The following CNBD1 variants were observed in gnomAD, a reference collection of about 807,000 sequenced individuals.
The protein encoded by CNBD1 is cyclic nucleotide-binding domain-containing protein 1.
In CNBD1, 71 loss-of-function variants were observed where a neutral mutation model predicts 54.4. The ratio of observed to expected loss-of-function variants is 1.30; its 90% CI spans 1.08 to 1.59. CNBD1 has a LOEUF of 1.59. CNBD1 is among the 40% of genes most tolerant of loss of function. The pLI, the probability that CNBD1 is intolerant of heterozygous loss-of-function variation, is 0.00. For missense variants in CNBD1, 659 were observed against 518.0 expected, an observed-to-expected ratio of 1.27 and a Z score of -2.64; for synonymous variants, 182 against 170.7, an observed-to-expected ratio of 1.07 and a Z score of -0.51.
intron 4 of CNBD1, among the ~76,000 whole-genome samples, chr8:87,200,800 G>A (rs1275711674): frequency 6.6e-6 from 1 of 152,082 alleles, no homozygotes; most frequent in African/African-American, 2.4e-5. Flanking sequence ...AGTCCTAGAT[G>A]GTTTCACTGG....
chr8:87,392,157 GTGT>G lies in CNBD1; in HGVS notation c.214-36385_214-36383del, dbSNP rs1298474836. Among the ~76,000 whole-genome samples, 21 of 152,088 alleles carry G rather than the reference GTGT, an allele frequency of 1.4e-4. No homozygotes were observed. The East Asian group carries it at 4.1e-3, about 30-fold the overall frequency. On this transcript the variant is annotated intron_variant, in intron 2 of 7. Coordinates refer to the CNBD1 transcript ENST00000521593. ...AATTATAAAATATAGACAATAACAA[GTGT>G]TGTCAAAGATGTGAAAAAATTCGTG...
At chr8:86,880,435 A>T (rs1808590542) in intron 1 of CNBD1, among the ~76,000 whole-genome samples, 1 of 152,232 alleles carries the variant, frequency 6.6e-6, no homozygotes, top group Non-Finnish European at 1.5e-5. Context: ...ATTAGGTATT[A>T]AAAGTGATCT....
intron 8 of CNBD1, among the ~76,000 whole-genome samples, chr8:87,296,577 G>T (rs1183439246): frequency 6.6e-6 from 1 of 150,566 alleles, no homozygotes; most frequent in Admixed American, 6.7e-5. Context: ...AAAGTAATTA[G>T]TATCTATATA....
chr8:87,052,091 C>T lies in CNBD1; in HGVS notation c.431+112337C>T, dbSNP rs183231356. Among the ~76,000 whole-genome samples the T allele has an allele frequency of 4.9e-3, 746 of 152,284 alleles. 9 individuals carry two copies. Among genetic ancestry groups the T allele is most frequent in the Non-Finnish European group, 6.0e-3 (411 of 68,016 alleles). On this transcript the variant is annotated intron_variant, in intron 4 of 10. Coordinates refer to ENST00000518476, the MANE Select transcript of CNBD1 (RefSeq NM_173538.3). ...TACCACACTGGTAACAATTTGCAGGCGTACCCTGGGGATCCTGGAGTTTAT... is the reference window on the plus strand; with the variant it reads ...TACCACACTGGTAACAATTTGCAGGTGTACCCTGGGGATCCTGGAGTTTAT...
intron 4 of CNBD1, among the ~76,000 whole-genome samples, chr8:87,192,633 A>C (rs1186276271): frequency 6.6e-6 from 1 of 152,208 alleles, no homozygotes; most frequent in Non-Finnish European, 1.5e-5. Context: ...TGTGATAGTA[A>C]CATGAAACAT....
intron 6 of CNBD1, among the ~76,000 whole-genome samples, chr8:87,249,486 G>T (rs2130837658): frequency 6.6e-6 from 1 of 152,208 alleles, no homozygotes; most frequent in South Asian, 2.1e-4. Flanking sequence ...TATCTGTGGA[G>T]AAAACATTTC....
chr8:87,287,889 CAT>C (rs1021070139), intron 8 of CNBD1, among the ~76,000 whole-genome samples: 3 of 151,800 alleles, frequency 2.0e-5, no homozygotes, highest in Non-Finnish European at 2.9e-5. Context: ...GCATTTAATC[CAT>C]GTTTAGTCAA....
In CNBD1 at chr8:87,182,966, A is replaced by C. The variant is rs73265806; in HGVS notation, c.432-23027A>C. 0.028 allele frequency among the ~76,000 whole-genome samples: 4,264 copies of C among 152,160 alleles called. 171 individuals are homozygous for C. The highest frequency in any genetic ancestry group is 0.084 in the African/African-American group (3,473 of 41,516). On this transcript the variant is annotated intron_variant, in intron 4 of 10. Coordinates refer to ENST00000518476, the MANE Select transcript of CNBD1 (RefSeq NM_173538.3). The surrounding 1 kb of genome is among the most constrained non-coding windows in gnomAD (Gnocchi z 4.1). ...ATTGCTTTTGGAGACTTTGACATGA[A>C]ATTTTTGCTAAGTCCTATGTTCAGA...
chr8:87,388,758 T>A (rs917873001), intron 2 of CNBD1, among the ~76,000 whole-genome samples: 4 of 152,080 alleles, frequency 2.6e-5, no homozygotes, highest in Non-Finnish European at 5.9e-5. Flanking sequence ...TTATGAGGCC[T>A]ACATTATCCT....
intron 4 of CNBD1, among the ~76,000 whole-genome samples, chr8:87,054,960 TC>T (rs1269449418): frequency 6.6e-6 from 1 of 152,194 alleles, no homozygotes; most frequent in African/African-American, 2.4e-5. Context: ...TGTGTTTTTT[TC>T]ACTCTTGAGA....
chr8:87,176,141 C>T (rs1813192694), intron 4 of CNBD1, among the ~76,000 whole-genome samples: 2 of 152,216 alleles, frequency 1.3e-5, no homozygotes. Flanking sequence ...TTTCTACCCT[C>T]TTCTGTGGTT....
chr8:87,383,955 T>G (rs904139116), downstream of CNBD1, among the ~76,000 whole-genome samples: 4 of 152,200 alleles, frequency 2.6e-5, no homozygotes, highest in South Asian at 8.3e-4. Context: ...GCTATCTAAA[T>G]TTTATTGTTT....
At chr8:87,370,959 T>A (rs1157115769) in intron 10 of CNBD1, among the ~76,000 whole-genome samples, 7 of 151,030 alleles carry the variant, frequency 4.6e-5, no homozygotes, top group Admixed American at 4.6e-4. Flanking sequence ...TAGCCAGTTT[T>A]CCCAGCACCA....
intron 4 of CNBD1, among the ~76,000 whole-genome samples, chr8:87,043,476 C>T (rs561033443): frequency 6.6e-6 from 1 of 152,184 alleles, no homozygotes; most frequent in Non-Finnish European, 1.5e-5. Context: ...ATATATGTTC[C>T]ACTAATGTTT....
intron 10 of CNBD1, 123 bp downstream of exon 10, chr8:87,353,909 T>A: frequency 1.6e-6 from 1 of 634,320 alleles, no homozygotes; most frequent in South Asian, 2.4e-5. Context: ...CTGCAAAGGA[T>A]GGAGTATTTG....
chr8:86,927,649 C>A (rs983372025), intron 3 of CNBD1, among the ~76,000 whole-genome samples: 1 of 151,996 alleles, frequency 6.6e-6, no homozygotes, highest in Non-Finnish European at 1.5e-5. Flanking sequence ...CTGGCAGGAG[C>A]TACAGTATAT....
intron 4 of CNBD1, among the ~76,000 whole-genome samples, chr8:87,027,048 C>G (rs927028124): frequency 2.0e-5 from 3 of 151,916 alleles, no homozygotes; most frequent in Non-Finnish European, 2.9e-5. Context: ...GTCATGTGAA[C>G]TTGAAAAATA....
chr8:87,249,300 G>C lies in CNBD1; in HGVS notation c.771+12188G>C, dbSNP rs147257482. On this transcript the variant is annotated intron_variant, in intron 6 of 10. Coordinates refer to ENST00000518476, the MANE Select transcript of CNBD1 (RefSeq NM_173538.3). ...TGATCTGACAGGAGGCAGACCTCAG[G>C]AGGTAATACAAGTTATGGGGAATGG... Among the ~76,000 whole-genome samples the C allele has an allele frequency of 1.6e-4, 25 of 152,186 alleles. No homozygotes were observed. The East Asian group carries it at 4.8e-3, about 29-fold the overall frequency.
intron 6 of CNBD1, among the ~76,000 whole-genome samples, chr8:87,258,427 C>A (rs112992899): frequency 9.3e-4 from 73 of 78,630 alleles, no homozygotes; most frequent in African/African-American, 4.5e-3. Context: ...TTTTTTATTT[C>A]TTTTTTTTCT....
Sources: gnomAD v4.1 joint callset for allele counts (sites outside exome capture counted in the v4.1 genomes callset) on GRCh38, gnomAD v4.1.1 for gene constraint, Gnocchi (gnomAD v3.1) non-coding constraint, MANE v1.5 for transcripts, NCBI Gene and HGNC (gene_info 2026-07-23, HGNC 2026-07-21) for gene names.